The following ENTPD6 variants were observed in gnomAD, a reference collection of about 807,000 sequenced individuals.
ENTPD6 encodes CD39 antigen-like 2.
ENTPD6 carries 46 observed loss-of-function variants against 61.5 expected under a neutral mutation model. That is an observed-to-expected ratio of 0.75 (90% confidence interval 0.59 to 0.96). The LOEUF (loss-of-function observed/expected upper bound fraction) is 0.96. Among genes scored for constraint, ENTPD6 ranks in the 40% least tolerant of loss-of-function variants. ENTPD6 has a pLI of 0.00. For synonymous variants in ENTPD6, 252 were observed against 255.5 expected, an observed-to-expected ratio of 0.99 and a Z score of 0.13; for missense variants, 612 against 629.0, an observed-to-expected ratio of 0.97 and a Z score of 0.29.
At chr20:25,207,025 G>A in intron 2 of ENTPD6, 51 bp from the exon 3 acceptor site, 1 of 1,520,582 alleles carries the variant, frequency 6.6e-7, no homozygotes, top group African/African-American at 1.4e-5. Flanking sequence ...GACTCTCCTT[G>A]GATCCTAGCA....
Position 25,218,734 on chromosome 20 carries a change from TC to T in ENTPD6, c.943+123del, listed in dbSNP as rs1490752159. ...CCTGCAGGAGAGGTCCCTCTGCCCC[TC>T]CCACCCCACTGCTGTCCCGCTGCAT... is the stretch of plus-strand genomic sequence containing the variant. On this transcript the variant is annotated intron_variant, in intron 10 of 14. Transcript: ENST00000376652. 3.9e-6 allele frequency: 4 copies of T among 1,016,696 alleles called. No homozygotes were observed. The East Asian group carries it at 7.9e-5, about 20-fold the overall frequency. 63.0% of individuals were successfully genotyped at this position (1,016,696 alleles called of 1,614,324 possible).
intron 7 of ENTPD6, among the ~76,000 whole-genome samples, chr20:25,216,176 G>C (rs1376143453): frequency 1.3e-5 from 2 of 152,204 alleles, no homozygotes; most frequent in African/African-American, 4.8e-5. Flanking sequence ...TGGATTTTTT[G>C]TCCCTTTGCT....
intron 8 of ENTPD6, among the ~76,000 whole-genome samples, chr20:25,216,978 G>T (rs556368466): frequency 2.6e-5 from 4 of 152,318 alleles, no homozygotes; most frequent in East Asian, 3.9e-4. Context: ...CTTTAGAGGG[G>T]TGATAAATTA....
chr20:25,196,163 G>A, intron 1 of ENTPD6: 1 of 1,213,946 alleles, frequency 8.2e-7, no homozygotes, highest in Non-Finnish European at 1.0e-6. Context: ...GCCCGCTTTT[G>A]CGGACCCGCC....
chr20:25,215,794 T>C, intron 7 of ENTPD6, 83 bp downstream of exon 7: 3 of 1,347,886 alleles, frequency 2.2e-6, no homozygotes, highest in Non-Finnish European at 3.2e-6. Flanking sequence ...AGCAGGAGCC[T>C]CATTTCTGCT....
chr20:25,206,615 G>C (rs1204437717), intron 2 of ENTPD6, 25 bp downstream of exon 2: 1 of 1,565,936 alleles, frequency 6.4e-7, no homozygotes, highest in South Asian at 1.1e-5. Context: ...CTCAGTAGTT[G>C]CCCAAGGGAC....
intron 1 of ENTPD6, among the ~76,000 whole-genome samples, 182 bp from the exon 2 acceptor site, chr20:25,206,340 C>G (rs2091498019): frequency 6.6e-6 from 1 of 152,222 alleles, no homozygotes; most frequent in African/African-American, 2.4e-5. Flanking sequence ...CACTTCTTGT[C>G]CTTTGAAGCC....
chr20:25,206,582 AT>A lies in ENTPD6; in HGVS notation c.51del (p.Gln18SerfsTer12). ...TGAAACTTCCAGAAAAACGAGCTAC[AT>A]TTTTCAGGTTTGTCTGGGGCTCTCA... is the stretch of plus-strand genomic sequence containing the variant. ...RYETSRKTSYIFQQPQHGPWQ... is the reference protein window; with the variant it reads ...RYETSRKTSYXFQQPQHGPWQ... On this transcript the variant is annotated frameshift_variant, in exon 2 of 15. Coordinates refer to ENST00000376652, the MANE Select transcript of ENTPD6 (RefSeq NM_001247.5). LOFTEE classifies it high-confidence loss of function. 1 of 1,612,686 alleles carries A rather than the reference AT, an allele frequency of 6.2e-7. No homozygotes were observed. Among genetic ancestry groups the A allele is most frequent in the Non-Finnish European group, 8.5e-7 (1 of 1,178,676 alleles).
At chr20:25,202,101 T>C (rs2091090995) in intron 1 of ENTPD6, among the ~76,000 whole-genome samples, 1 of 152,138 alleles carries the variant, frequency 6.6e-6, no homozygotes, top group Non-Finnish European at 1.5e-5. Context: ...TAATAAGAAA[T>C]CATAAGAAAG....
At chr20:25,201,626 T>C (rs566725521) in intron 1 of ENTPD6, among the ~76,000 whole-genome samples, 1 of 152,336 alleles carries the variant, frequency 6.6e-6, no homozygotes, top group South Asian at 2.1e-4. Flanking sequence ...TTTCCATTCT[T>C]TTACTTTCAG....
At position 25,207,140 on chromosome 20, in the gene ENTPD6, T is replaced by C; in HGVS notation, c.119T>C (p.Val40Ala). Residue 40 changes from valine (V) to alanine (A), a missense_variant, in exon 3 of 15, where the codon GTG becomes GCG. Transcript: ENST00000376652. The part of the protein sequence containing the change: ...RKISNHGSLR[V>A]AKVAYPLGLC... ...ATATCCAACCACGGGAGCCTGCGGG[T>C]GGCGAAGGTGGCATACCCCCTGGGG... 6.2e-7 allele frequency: 1 copy of C among 1,613,658 alleles called. No homozygotes were observed. The highest frequency in any genetic ancestry group is 8.5e-7 in the Non-Finnish European group (1 of 1,179,724).
At chr20:25,223,928 C>T (rs936961936) in intron 12 of ENTPD6, 173 bp from the exon 13 acceptor site, 2 of 530,228 alleles carry the variant, frequency 3.8e-6, no homozygotes, top group Non-Finnish European at 6.6e-6. Flanking sequence ...CACCACATCA[C>T]CCAGAAGCCG....
intron 1 of ENTPD6, among the ~76,000 whole-genome samples, chr20:25,199,189 G>A (rs1387805174): frequency 6.6e-6 from 1 of 152,138 alleles, no homozygotes; most frequent in African/African-American, 2.4e-5. Flanking sequence ...GAGCCAGAGG[G>A]GCCTAGAAGA....
At chr20:25,203,341 A>G (rs1424670305) in intron 1 of ENTPD6, among the ~76,000 whole-genome samples, 2 of 152,144 alleles carry the variant, frequency 1.3e-5, no homozygotes, top group Non-Finnish European at 2.9e-5. Context: ...GTTTTTAGCT[A>G]TTCTTTCTTC....
At chr20:25,218,903 T>C (rs1451067468) in intron 10 of ENTPD6, among the ~76,000 whole-genome samples, 3 of 152,246 alleles carry the variant, frequency 2.0e-5, no homozygotes, top group Non-Finnish European at 4.4e-5. Context: ...TTTGAGACAG[T>C]GTCTCACTTG....
rs1323918269 is a variant in ENTPD6 at position 25,207,466 on chromosome 20, G to GC, written c.376+71dup. The stretch of plus-strand genomic sequence containing the variant: ...TGCTACAGTGTTGGCCGGGTCCCCT[G>GC]CCACAGACTCACCTGGGAGCTTGTC... On this transcript the variant is annotated intron_variant, in intron 3 of 14. Coordinates refer to ENST00000376652, the MANE Select transcript of ENTPD6 (RefSeq NM_001247.5). The GC allele has an allele frequency of 1.7e-5, 24 of 1,382,840 alleles. No homozygotes were observed. In the Admixed American group the frequency reaches 3.5e-4, roughly 20 times the overall value. The allele number at this position is 1,382,840 out of a possible 1,614,324, so 85.7% of individuals were successfully genotyped here.
chr20:25,204,462 A>T (rs1028846509), intron 1 of ENTPD6, among the ~76,000 whole-genome samples: 22 of 121,696 alleles, frequency 1.8e-4, no homozygotes, highest in Admixed American at 7.1e-4. Context: ...TTAAACTTTT[A>T]CAAAGCTTTA....
rs767809268 is a variant in ENTPD6 at position 25,209,916 on chromosome 20, T to C, written c.444T>C (p.Asp148=). The part of the protein sequence containing the change: ...LKPGLSAYAD[D]VEKSAQGIRE... ...CAGGTCTTTCTGCCTATGCTGATGATGTTGAAAAGGTAAGGATCCTCTCCC... is the reference window on the plus strand; with the variant it reads ...CAGGTCTTTCTGCCTATGCTGATGACGTTGAAAAGGTAAGGATCCTCTCCC... Residue 148 remains aspartate, a synonymous_variant, in exon 4 of 15, where the codon GAT becomes GAC. Coordinates refer to ENST00000376652, the MANE Select transcript of ENTPD6 (RefSeq NM_001247.5). 6 of 1,614,070 alleles carry C rather than the reference T, an allele frequency of 3.7e-6. No individual in the cohort carries two copies. In the East Asian group the frequency reaches 1.3e-4, roughly 36 times the overall value.
In ENTPD6 at chr20:25,224,196, C is replaced by G. The variant is rs1437498575; in HGVS notation, c.1243+39C>G. On this transcript the variant is annotated intron_variant, in intron 13 of 14. Coordinates refer to ENST00000376652, the MANE Select transcript of ENTPD6 (RefSeq NM_001247.5). Reference sequence around the variant, plus strand: ...CAGGGGCCATCTCAGCAGGGGCAGGCGCCCCGTGATGCTCGTGACGCAGGC... The same window carrying G: ...CAGGGGCCATCTCAGCAGGGGCAGGGGCCCCGTGATGCTCGTGACGCAGGC... The G allele has an allele frequency of 3.8e-6, 6 of 1,585,110 alleles. No individual in the cohort carries two copies. In the Middle Eastern group the frequency reaches 5.0e-4, roughly 133 times the overall value.
Sources: gnomAD v4.1 joint callset for allele counts (sites outside exome capture counted in the v4.1 genomes callset) on GRCh38, gnomAD v4.1.1 for gene constraint, MANE v1.5 for transcripts, NCBI Gene and HGNC (gene_info 2026-07-23, HGNC 2026-07-21) for gene names.